The following SLC41A2 variants were observed in gnomAD, a reference collection of about 807,000 sequenced individuals.
SLC41A2 encodes solute carrier family 41 member 2, also known as SLC41A1-like 1.
Under a neutral mutation model 58.3 loss-of-function variants are expected in SLC41A2, and 32 were observed. That is an observed-to-expected ratio of 0.55 (90% CI 0.41 to 0.74). SLC41A2 has a LOEUF of 0.74. Among genes scored for constraint, SLC41A2 ranks in the 30% least tolerant of loss-of-function variants. SLC41A2 has a pLI of 0.00. For synonymous variants in SLC41A2, 190 were observed against 235.0 expected (o/e 0.81, Z 1.75); for missense variants, 514 against 680.6 (o/e 0.76, Z 2.72).
chr12:104,949,215 T>C (rs542551182), intron 1 of SLC41A2, among the ~76,000 whole-genome samples: 2 of 152,086 alleles, frequency 1.3e-5, no homozygotes, highest in Non-Finnish European at 2.9e-5. Flanking sequence ...CGAAACTCCG[T>C]CTCAAATAAA....
chr12:104,849,865 G>T (rs2042737478), intron 8 of SLC41A2, among the ~76,000 whole-genome samples: 1 of 152,060 alleles, frequency 6.6e-6, no homozygotes, highest in Non-Finnish European at 1.5e-5. Context: ...TAAAGTTGTT[G>T]ATATGCATAC....
At chr12:104,936,024 C>G (rs1440899113) in intron 1 of SLC41A2, among the ~76,000 whole-genome samples, 1 of 145,376 alleles carries the variant, frequency 6.9e-6, no homozygotes, top group Non-Finnish European at 1.5e-5. Flanking sequence ...GCCTGGGCAA[C>G]AGAGCGAGAC....
At chr12:104,819,718 A>C (rs1266440112) in intron 10 of SLC41A2, among the ~76,000 whole-genome samples, 2 of 152,196 alleles carry the variant, frequency 1.3e-5, no homozygotes, top group African/African-American at 4.8e-5. Context: ...TAGAGCTATA[A>C]TTCTCAGACT....
intron 10 of SLC41A2, among the ~76,000 whole-genome samples, chr12:104,824,253 C>G (rs73396159): frequency 0.025 from 3,727 of 152,094 alleles, 101 homozygotes; most frequent in East Asian, 0.15. Flanking sequence ...ATAAACCCCC[C>G]CGAGACCCCA....
At position 104,913,277 on chromosome 12, in the gene SLC41A2, G is replaced by A. The variant is rs548281312; in HGVS notation, c.556-3515C>T. ...GCGTGACCTTGAAAACTGAGTTCTC[G>A]GCCAGGACAGCATGGGAGATCAACC... On this transcript the variant is annotated intron_variant, in intron 2 of 10. Coordinates refer to ENST00000258538, the MANE Select transcript of SLC41A2 (RefSeq NM_001352171.3). Among the ~76,000 whole-genome samples, 14 of 152,242 alleles carry A rather than the reference G, an allele frequency of 9.2e-5. No individual in the cohort carries two copies. The East Asian group carries it at 1.5e-3, about 17-fold the overall frequency.
At chr12:104,933,249 A>C (rs1009626495) in intron 1 of SLC41A2, among the ~76,000 whole-genome samples, 1 of 152,230 alleles carries the variant, frequency 6.6e-6, no homozygotes, top group African/African-American at 2.4e-5. Context: ...AAAAGAAGAC[A>C]TACAAATGGC....
intron 10 of SLC41A2, among the ~76,000 whole-genome samples, chr12:104,821,119 T>G (rs956896853): frequency 1.6e-4 from 25 of 152,230 alleles, no homozygotes; most frequent in African/African-American, 5.8e-4. Context: ...CTGGCTGTAT[T>G]TCTTGAAATG....
chr12:104,840,393 A>G (rs990351693), intron 10 of SLC41A2, among the ~76,000 whole-genome samples: 1 of 152,250 alleles, frequency 6.6e-6, no homozygotes, highest in Non-Finnish European at 1.5e-5. Context: ...ATAAATAAAA[A>G]AATTATATTC....
chr12:104,831,119 G>A (rs2042019983), intron 10 of SLC41A2, among the ~76,000 whole-genome samples: 1 of 152,014 alleles, frequency 6.6e-6, no homozygotes, highest in Admixed American at 6.6e-5. Context: ...TGACCAGGGT[G>A]GTCTTGAACT....
At chr12:104,808,184 T>G (rs1352008740) in intron 10 of SLC41A2, among the ~76,000 whole-genome samples, 1 of 152,214 alleles carries the variant, frequency 6.6e-6, no homozygotes, top group Non-Finnish European at 1.5e-5. Context: ...GCCCATTCAG[T>G]ATGATATTGG....
At position 104,805,134 on chromosome 12, in the gene SLC41A2, A is replaced by G; in HGVS notation, c.*18T>C. On this transcript the variant is annotated 3_prime_UTR_variant, in exon 11 of 11. Coordinates refer to ENST00000258538, the MANE Select transcript of SLC41A2 (RefSeq NM_001352171.3). ...GTATTTTCTTCCTTGGTAACTTGAG[A>G]GCAGTTTGTAGAATTTATTAGTCTC... The G allele has an allele frequency of 6.3e-7, 1 of 1,580,066 alleles. No individual in the cohort carries two copies. Among genetic ancestry groups the G allele is most frequent in the Non-Finnish European group, 8.6e-7 (1 of 1,163,150 alleles).
chr12:104,943,206 C>G (rs1488557195), intron 1 of SLC41A2, among the ~76,000 whole-genome samples: 1 of 151,992 alleles, frequency 6.6e-6, no homozygotes, highest in Non-Finnish European at 1.5e-5. Flanking sequence ...GAAAGGGAGC[C>G]AATGTATCAA....
chr12:104,941,548 G>A (rs1025508724), intron 1 of SLC41A2, among the ~76,000 whole-genome samples: 7 of 152,118 alleles, frequency 4.6e-5, no homozygotes, highest in African/African-American at 1.7e-4. Context: ...TTGGAAGAAG[G>A]ATATATCAAA....
intron 3 of SLC41A2, among the ~76,000 whole-genome samples, chr12:104,904,681 C>T (rs1388114516): frequency 1.0e-5 from 1 of 95,678 alleles, no homozygotes; most frequent in Admixed American, 1.1e-4. Context: ...CTGGTGGGTT[C>T]GTGGTCTCGC....
At chr12:104,832,189 A>AT (rs2042061349) in intron 10 of SLC41A2, among the ~76,000 whole-genome samples, 1 of 152,192 alleles carries the variant, frequency 6.6e-6, no homozygotes, top group African/African-American at 2.4e-5. Context: ...AAGCAGACAG[A>AT]TTCCACCCAT....
chr12:104,939,265 A>G (rs528441455), intron 1 of SLC41A2, among the ~76,000 whole-genome samples: 2 of 152,346 alleles, frequency 1.3e-5, no homozygotes, highest in South Asian at 2.1e-4. Context: ...TGTTGCAATC[A>G]TAGCTCACCA....
At chr12:104,894,183 G>A (rs7961766) in intron 4 of SLC41A2, among the ~76,000 whole-genome samples, 66,342 of 151,422 alleles carry the variant, frequency 0.44, 15,309 homozygotes, top group Middle Eastern at 0.53. Context: ...GCGAAACCCC[G>A]TCTCTACAAA....
At position 104,886,351 on chromosome 12, in the gene SLC41A2, GC is replaced by G; in HGVS notation, c.968del (p.Gly323AlafsTer4). 3.7e-6 allele frequency: 6 copies of G among 1,613,578 alleles called. No individual in the cohort carries two copies. Among genetic ancestry groups the G allele is most frequent in the Non-Finnish European group, 5.1e-6 (6 of 1,179,628 alleles). On this transcript the variant is annotated frameshift_variant, in exon 6 of 11. Coordinates refer to ENST00000258538, the MANE Select transcript of SLC41A2 (RefSeq NM_001352171.3). LOFTEE classifies it high-confidence loss of function. ...CCAATATGGCAAGAGTTATAAGGTC[GC>G]CAAAACTAGCAGCAATGGGTGTAGC... ...NVATPIAASF[G>X]DLITLAILAW...
chr12:104,929,423 G>A (rs919109422), intron 1 of SLC41A2, among the ~76,000 whole-genome samples: 2 of 152,236 alleles, frequency 1.3e-5, no homozygotes, highest in Non-Finnish European at 2.9e-5. Flanking sequence ...AAGAAAGCTT[G>A]TAACGCACTT....
Sources: gnomAD v4.1 joint callset for allele counts (sites outside exome capture counted in the v4.1 genomes callset) on GRCh38, gnomAD v4.1.1 for gene constraint, MANE v1.5 for transcripts, NCBI Gene and HGNC (gene_info 2026-07-23, HGNC 2026-07-21) for gene names.